The following KCNK9 variants were observed in gnomAD, a reference collection of about 807,000 sequenced individuals.
KCNK9 encodes potassium two pore domain channel subfamily K member 9, also known as potassium channel subfamily K member 9.
KCNK9 carries 1 observed loss-of-function variant against 10.8 expected under a neutral mutation model. That is an observed-to-expected ratio of 0.09 (90% confidence interval 0.03 to 0.44). The LOEUF (loss-of-function observed/expected upper bound fraction) is 0.44. Among genes scored for constraint, KCNK9 ranks in the 20% least tolerant of loss-of-function variants. The probability of loss-of-function intolerance (pLI) is 0.97; values close to 1 mark genes in which losing one functional copy is unlikely to be tolerated. For synonymous variants in KCNK9, 231 were observed against 222.7 expected (o/e 1.04, Z -0.33); for missense variants, 303 against 515.0 (o/e 0.59, Z 3.98).
downstream of KCNK9, among the ~76,000 whole-genome samples, chr8:139,613,012 C>T (rs1814478167): frequency 6.6e-6 from 1 of 152,200 alleles, no homozygotes; most frequent in Non-Finnish European, 1.5e-5. Context: ...TCAATAAGCT[C>T]TTGGACATTT....
downstream of KCNK9, among the ~76,000 whole-genome samples, chr8:139,609,106 A>AACCCACCCCG (rs1814331032): frequency 1.6e-5 from 2 of 123,946 alleles, no homozygotes; most frequent in Non-Finnish European, 3.3e-5. Flanking sequence ...GACCCATCCC[A>AACCCACCCCG]CCCCACCCCG....
At chr8:139,609,914 T>C (rs2471092), downstream of KCNK9, among the ~76,000 whole-genome samples, 12,956 of 152,140 alleles carry the variant, frequency 0.085, 802 homozygotes, top group East Asian at 0.3. Context: ...CCAGACCCTT[T>C]AGTCTGTAAG....
chr8:139,625,703 C>T (rs1339076794), intron 1 of KCNK9, among the ~76,000 whole-genome samples: 1 of 149,536 alleles, frequency 6.7e-6, no homozygotes, highest in African/African-American at 2.5e-5. Context: ...CATCTCTCTG[C>T]TGCAGCTGGC....
At chr8:139,663,462 G>T (rs1051686071) in intron 1 of KCNK9, among the ~76,000 whole-genome samples, 1 of 151,940 alleles carries the variant, frequency 6.6e-6, no homozygotes, top group Non-Finnish European at 1.5e-5. Flanking sequence ...AATCCCTGGC[G>T]CGAAAGACAG....
At chr8:139,637,207 T>G (rs1815364044) in intron 1 of KCNK9, among the ~76,000 whole-genome samples, 4 of 152,172 alleles carry the variant, frequency 2.6e-5, no homozygotes, top group Admixed American at 6.5e-5. Flanking sequence ...GAAGGGAAGG[T>G]GAAGACAGAA....
intron 1 of KCNK9, 92 bp from the exon 2 acceptor site, chr8:139,619,191 C>T (rs1201401436): frequency 7.1e-7 from 1 of 1,411,724 alleles, no homozygotes; most frequent in African/African-American, 1.4e-5. Flanking sequence ...CAGTGCAGTG[C>T]AATGCAGAGG....
chr8:139,618,436 T>G lies in KCNK9; in HGVS notation c.947A>C (p.Asn316Thr), dbSNP rs769833146. The G allele has an allele frequency of 1.9e-6, 3 of 1,613,762 alleles. No individual in the cohort carries two copies. The highest frequency in any genetic ancestry group is 2.5e-6 in the Non-Finnish European group (3 of 1,179,926). Residue 316 changes from asparagine (N) to threonine (T), a missense_variant, in exon 2 of 2, where the codon AAC becomes ACC. Asn to Thr is a moderately conservative substitution (Grantham distance 65, BLOSUM62 0). Coordinates refer to ENST00000520439, the MANE Select transcript of KCNK9 (RefSeq NM_001282534.2). This position sits in a 1 kb window ranked among gnomAD's most constrained non-coding sequence, Gnocchi z 7.9. The stretch of plus-strand genomic sequence containing the variant: ...GGGGGCAAGCTTGGCGCTGAAGGAG[T>G]TCTGCGGTGCCACCGAGCGGCCGCC... Reference protein sequence around the residue: ...DYGGRSVAPQNSFSAKLAPHY... With the variant: ...DYGGRSVAPQTSFSAKLAPHY...
intron 1 of KCNK9, among the ~76,000 whole-genome samples, chr8:139,665,834 G>T (rs1816284965): frequency 6.6e-6 from 1 of 152,206 alleles, no homozygotes; most frequent in African/African-American, 2.4e-5. Flanking sequence ...GTCTGGCAGG[G>T]CTGAGCCTCC....
rs574327930 is a variant in KCNK9 at position 139,624,215 on chromosome 8, C to T, written c.284-5116G>A. Among the ~76,000 whole-genome samples the T allele has an allele frequency of 3.9e-5, 6 of 152,318 alleles. No homozygotes were observed. The South Asian group carries it at 8.3e-4, about 21-fold the overall frequency. On this transcript the variant is annotated intron_variant, in intron 1 of 1. Coordinates refer to ENST00000520439, the MANE Select transcript of KCNK9 (RefSeq NM_001282534.2). Reference sequence around the variant, plus strand: ...ATCTAGGGGGATGCTGAGTTAGACACGCCTGCCTTTGGGACCTGGTACCGG... The same window carrying T: ...ATCTAGGGGGATGCTGAGTTAGACATGCCTGCCTTTGGGACCTGGTACCGG...
intron 2 of KCNK9, among the ~76,000 whole-genome samples, chr8:139,603,132 A>T (rs1817408852): frequency 6.6e-6 from 1 of 152,238 alleles, no homozygotes; most frequent in Non-Finnish European, 1.5e-5. Flanking sequence ...CAAGATATGC[A>T]GAAAAGTATT....
chr8:139,657,977 G>A (rs911821955), intron 1 of KCNK9, among the ~76,000 whole-genome samples: 3 of 152,188 alleles, frequency 2.0e-5, no homozygotes, highest in African/African-American at 7.2e-5. Flanking sequence ...GACATGGTAG[G>A]GTGGGCAGAT....
chr8:139,618,548 G>T lies in KCNK9; in HGVS notation c.835C>A (p.Pro279Thr). The T allele has an allele frequency of 6.2e-7, 1 of 1,613,456 alleles. No individual in the cohort carries two copies. Among genetic ancestry groups the T allele is most frequent in the Non-Finnish European group, 8.5e-7 (1 of 1,179,894 alleles). Residue 279 changes from proline (P) to threonine (T), a missense_variant, in exon 2 of 2, where the codon CCG becomes ACG. Around this residue, in one of 5 missense-constraint regions of KCNK9, gnomAD observed 138 missense variants for 161.1 expected, o/e 0.86. Coordinates refer to ENST00000520439, the MANE Select transcript of KCNK9 (RefSeq NM_001282534.2). This position sits in a 1 kb window ranked among gnomAD's most constrained non-coding sequence, Gnocchi z 7.9. ...NSMVIHIPEEPRPSRPRYKAD... is the reference protein window; with the variant it reads ...NSMVIHIPEETRPSRPRYKAD... ...TTGTACCTGGGCCGGCTGGGCCGCG[G>T]CTCCTCAGGGATGTGAATGACCATG...
chr8:139,676,639 C>T (rs887082496), intron 1 of KCNK9, among the ~76,000 whole-genome samples: 2 of 152,164 alleles, frequency 1.3e-5, no homozygotes, highest in South Asian at 2.1e-4. Context: ...TTGACCTTCA[C>T]GACACGGAGG....
intron 1 of KCNK9, among the ~76,000 whole-genome samples, chr8:139,634,735 C>A (rs911950078): frequency 2.0e-5 from 3 of 152,074 alleles, no homozygotes; most frequent in African/African-American, 7.2e-5. Flanking sequence ...CGCACGGGTG[C>A]CTCCTCCCGA....
chr8:139,604,175 G>A (rs554480996), intron 2 of KCNK9, among the ~76,000 whole-genome samples: 12 of 152,344 alleles, frequency 7.9e-5, no homozygotes, highest in Non-Finnish European at 1.5e-4. Context: ...CCATCATTTA[G>A]GTATTCAGGG....
chr8:139,654,411 G>A (rs1378633666), intron 1 of KCNK9, among the ~76,000 whole-genome samples: 1 of 152,178 alleles, frequency 6.6e-6, no homozygotes, highest in African/African-American at 2.4e-5. Flanking sequence ...CACAGCCAAT[G>A]AGCAGATGCC....
rs115225557 is a variant in KCNK9, at chr8:139,648,131, G to A, written c.284-29032C>T. Among the ~76,000 whole-genome samples, 1,204 of 152,242 alleles carry A rather than the reference G, an allele frequency of 7.9e-3. 15 individuals are homozygous for A. The highest frequency in any genetic ancestry group is 0.027 in the African/African-American group (1,113 of 41,526). On this transcript the variant is annotated intron_variant, in intron 1 of 1. Coordinates refer to ENST00000520439, the MANE Select transcript of KCNK9 (RefSeq NM_001282534.2). ...ACACATTGCAACACGGAAGAGCCTCGAAAACCTAATGCTCAGTGAAGAAAG... is the reference window on the plus strand; with the variant it reads ...ACACATTGCAACACGGAAGAGCCTCAAAAACCTAATGCTCAGTGAAGAAAG...
chr8:139,663,053 T>C (rs1816203911), intron 1 of KCNK9, among the ~76,000 whole-genome samples: 1 of 151,666 alleles, frequency 6.6e-6, no homozygotes, highest in African/African-American at 2.4e-5. Flanking sequence ...TCTAAGCCCC[T>C]CAGAGTCCAT....
chr8:139,679,030 GT>G (rs997183898), intron 1 of KCNK9, among the ~76,000 whole-genome samples: 9 of 152,132 alleles, frequency 5.9e-5, no homozygotes, highest in African/African-American at 1.7e-4. Context: ...GGTTTGCTTT[GT>G]TTTTTTTAAC....
Sources: allele counts gnomAD v4.1 joint callset (sites outside exome capture counted in the v4.1 genomes callset), GRCh38; gene constraint gnomAD v4.1.1; regional missense constraint gnomAD v4.1.1; non-coding constraint Gnocchi (gnomAD v3.1); transcripts MANE v1.5; gene names NCBI Gene and HGNC (gene_info 2026-07-23, HGNC 2026-07-21).